The following MNAT1 variants were observed in gnomAD, a reference collection of about 807,000 sequenced individuals.
The protein encoded by MNAT1 is CDK-activating kinase assembly factor MAT1.
MNAT1 carries 43 observed loss-of-function variants against 42.0 expected under a neutral mutation model. That is an observed-to-expected ratio of 1.02 (90% CI 0.80 to 1.32). The LOEUF (loss-of-function observed/expected upper bound fraction) is 1.32. Among genes scored for constraint, MNAT1 ranks in the 40% most tolerant of loss-of-function variants. The probability of loss-of-function intolerance (pLI) is 0.00; values close to 1 mark genes in which losing one functional copy is unlikely to be tolerated. For synonymous variants in MNAT1, 118 were observed against 120.0 expected, an observed-to-expected ratio of 0.98 and a Z score of 0.11; for missense variants, 306 against 350.4, an observed-to-expected ratio of 0.87 and a Z score of 1.01.
At chr14:60,895,917 T>G (rs2034948297) in intron 7 of MNAT1, among the ~76,000 whole-genome samples, 1 of 152,174 alleles carries the variant, frequency 6.6e-6, no homozygotes, top group Non-Finnish European at 1.5e-5. Context: ...ACAGGCACTT[T>G]CAAGATAATT....
At chr14:60,814,192 A>G (rs539915670) in intron 5 of MNAT1, among the ~76,000 whole-genome samples, 2 of 152,302 alleles carry the variant, frequency 1.3e-5, no homozygotes, top group Non-Finnish European at 2.9e-5. Flanking sequence ...ATATTTTTGC[A>G]TAAAAAAATA....
At chr14:60,956,922 AT>A (rs1170925644) in intron 7 of MNAT1, among the ~76,000 whole-genome samples, 4 of 150,948 alleles carry the variant, frequency 2.6e-5, no homozygotes, top group South Asian at 2.1e-4. Flanking sequence ...ATTGGGTCTT[AT>A]TTTTTTTTAT....
At chr14:60,803,800 A>C (rs1036641257) in intron 3 of MNAT1, among the ~76,000 whole-genome samples, 2 of 152,168 alleles carry the variant, frequency 1.3e-5, no homozygotes, top group Non-Finnish European at 2.9e-5. Flanking sequence ...TTCATTATGA[A>C]TCTTTTGAAT....
chr14:60,776,699 G>T (rs1219799483), intron 1 of MNAT1, among the ~76,000 whole-genome samples: 2 of 152,102 alleles, frequency 1.3e-5, no homozygotes, highest in Non-Finnish European at 2.9e-5. Flanking sequence ...GAATACTTTG[G>T]ATCATATTCA....
Position 60,750,384 on chromosome 14 carries a change from G to T in MNAT1, c.89+15433G>T, listed in dbSNP as rs181368945. On this transcript the variant is annotated intron_variant, in intron 1 of 7. Transcript: ENST00000261245. ...TGGGACTACAGGCATCTGCCACCACGCCCGGCCAATCTTTTTTGTATTTTA... is the reference window on the plus strand; with the variant it reads ...TGGGACTACAGGCATCTGCCACCACTCCCGGCCAATCTTTTTTGTATTTTA... Among the ~76,000 whole-genome samples, 21 of 151,684 alleles carry T rather than the reference G, an allele frequency of 1.4e-4. No homozygotes were observed. The South Asian group carries it at 1.7e-3, about 12-fold the overall frequency.
chr14:60,741,242 A>G lies in MNAT1; in HGVS notation c.89+6291A>G, dbSNP rs139376207. ...TTAAAAAAATTTTTTAACCCATGTA[A>G]TATCAGTGGCACAATCATAAACTCC... On this transcript the variant is annotated intron_variant, in intron 1 of 7. Coordinates refer to ENST00000261245, the MANE Select transcript of MNAT1 (RefSeq NM_002431.4). 8.3e-3 allele frequency among the ~76,000 whole-genome samples: 1,264 copies of G among 152,270 alleles called. 6 individuals are homozygous for G. Among genetic ancestry groups the G allele is most frequent in the Non-Finnish European group, 0.012 (844 of 68,028 alleles).
chr14:60,785,426 A>G (rs1443329853), intron 1 of MNAT1, among the ~76,000 whole-genome samples: 1 of 152,242 alleles, frequency 6.6e-6, no homozygotes, highest in African/African-American at 2.4e-5. Context: ...AGTGTTTATT[A>G]GGGATTTAAA....
chr14:60,909,834 A>C (rs538687515), intron 7 of MNAT1, among the ~76,000 whole-genome samples: 13 of 152,046 alleles, frequency 8.6e-5, no homozygotes, highest in South Asian at 2.1e-4. Flanking sequence ...TATGAACTTT[A>C]AAGTAGTTTT....
chr14:60,820,926 T>C (rs1361558196), intron 6 of MNAT1, among the ~76,000 whole-genome samples: 1 of 152,110 alleles, frequency 6.6e-6, no homozygotes, highest in East Asian at 1.9e-4. Context: ...TACTAAGAAG[T>C]CAATGGTAAA....
At chr14:60,882,654 C>G (rs752298029) in intron 7 of MNAT1, among the ~76,000 whole-genome samples, 10 of 152,244 alleles carry the variant, frequency 6.6e-5, no homozygotes, top group Admixed American at 5.9e-4. Flanking sequence ...TGACAAACCT[C>G]GAAACTGTTC....
chr14:60,825,490 G>A (rs570107810), intron 6 of MNAT1, among the ~76,000 whole-genome samples: 125 of 152,312 alleles, frequency 8.2e-4, no homozygotes, highest in Admixed American at 3.1e-3. Context: ...CCTGCTATAA[G>A]CCAGCATAGT....
At chr14:60,919,490 C>G (rs2035605885) in intron 7 of MNAT1, 1 of 153,614 alleles carries the variant, frequency 6.5e-6, no homozygotes, top group African/African-American at 2.4e-5. Flanking sequence ...ATTGCTGCGT[C>G]TTTTTGGTGA....
chr14:60,749,448 A>T (rs2029979218), intron 1 of MNAT1, among the ~76,000 whole-genome samples: 1 of 152,190 alleles, frequency 6.6e-6, no homozygotes, highest in Non-Finnish European at 1.5e-5. Flanking sequence ...TCTAACAAAT[A>T]TATACTGACA....
chr14:60,941,560 G>A (rs1291204089), intron 7 of MNAT1, among the ~76,000 whole-genome samples: 1 of 151,992 alleles, frequency 6.6e-6, no homozygotes, highest in Non-Finnish European at 1.5e-5. Context: ...ACAAAACTTA[G>A]CCAGGTATGG....
intron 6 of MNAT1, among the ~76,000 whole-genome samples, chr14:60,841,255 T>C (rs776266154): frequency 6.6e-6 from 1 of 152,056 alleles, no homozygotes; most frequent in Non-Finnish European, 1.5e-5. Flanking sequence ...CTTTGTCTAT[T>C]ATTTTTCTAG....
intron 1 of MNAT1, among the ~76,000 whole-genome samples, chr14:60,795,824 C>T (rs1191496972): frequency 6.6e-6 from 1 of 152,154 alleles, no homozygotes; most frequent in Non-Finnish European, 1.5e-5. Context: ...GTATATAGGG[C>T]TCTCTAAAGA....
intron 1 of MNAT1, among the ~76,000 whole-genome samples, chr14:60,767,861 T>G (rs1041859255): frequency 2.6e-5 from 4 of 152,296 alleles, no homozygotes; most frequent in Non-Finnish European, 5.9e-5. Flanking sequence ...GCTCCCTGGT[T>G]CAAGTGATTC....
At chr14:60,844,664 T>G (rs1260926090) in intron 6 of MNAT1, among the ~76,000 whole-genome samples, 1 of 152,054 alleles carries the variant, frequency 6.6e-6, no homozygotes, top group Non-Finnish European at 1.5e-5. Context: ...CTTCTCTGCC[T>G]TTTATTTCTG....
At chr14:60,814,692 G>A (rs925952271) in intron 5 of MNAT1, among the ~76,000 whole-genome samples, 7 of 152,222 alleles carry the variant, frequency 4.6e-5, no homozygotes, top group Non-Finnish European at 8.8e-5. Flanking sequence ...GGAAAAATAA[G>A]GGTAAGGGCA....
Sources: gnomAD v4.1 joint callset for allele counts (sites outside exome capture counted in the v4.1 genomes callset) on GRCh38, gnomAD v4.1.1 for gene constraint, MANE v1.5 for transcripts, NCBI Gene and HGNC (gene_info 2026-07-23, HGNC 2026-07-21) for gene names.